The following STK4 variants were observed in gnomAD, a reference collection of about 807,000 sequenced individuals.
The protein encoded by STK4 is serine/threonine-protein kinase 4.
A neutral mutation model predicts 64.9 loss-of-function variants in STK4; 30 were observed. The observed-to-expected ratio is 0.46, with a 90% CI of 0.35 to 0.63. The LOEUF (loss-of-function observed/expected upper bound fraction) is 0.63. Among genes scored for constraint, STK4 ranks in the 20% least tolerant of loss-of-function variants. The pLI, the probability that STK4 is intolerant of heterozygous loss-of-function variation, is 0.01. For missense variants in STK4, 466 were observed against 598.5 expected (o/e 0.78, Z 2.31); for synonymous variants, 177 against 199.0 (o/e 0.89, Z 0.93).
intron 10 of STK4, among the ~76,000 whole-genome samples, chr20:45,032,415 C>T (rs8117013): frequency 0.012 from 1,830 of 152,140 alleles, 33 homozygotes; most frequent in African/African-American, 0.041. Flanking sequence ...CGATCCTCAC[C>T]CTCCTCCCAC....
intron 8 of STK4, 26 bp downstream of exon 8, chr20:45,000,546 C>T (rs1424415469): frequency 3.7e-6 from 6 of 1,613,090 alleles, no homozygotes; most frequent in Non-Finnish European, 5.1e-6. Flanking sequence ...TGCTGTGGGC[C>T]TCAGACATTG....
chr20:44,991,667 T>G (rs2067636254), intron 5 of STK4, among the ~76,000 whole-genome samples: 1 of 152,192 alleles, frequency 6.6e-6, no homozygotes, highest in Admixed American at 6.5e-5. Flanking sequence ...TGTACTTTTT[T>G]TTTTTGTTTT....
intron 9 of STK4, among the ~76,000 whole-genome samples, chr20:45,003,372 A>G (rs942272275): frequency 1.3e-5 from 2 of 152,162 alleles, no homozygotes; most frequent in African/African-American, 2.4e-5. Context: ...GTGTTAGATA[A>G]TTCACTTTCC....
chr20:45,056,589 T>A (rs1978501035), intron 10 of STK4, among the ~76,000 whole-genome samples: 1 of 152,230 alleles, frequency 6.6e-6, no homozygotes, highest in Non-Finnish European at 1.5e-5. Flanking sequence ...TATCTTGGCA[T>A]TTTTCAAATA....
rs60788017 is a variant in STK4, at chr20:45,012,948, ATTTTTTTTTTTTT to A, written c.1147+11614_1147+11626del. Among the ~76,000 whole-genome samples, 35 of 51,184 alleles carry A rather than the reference ATTTTTTTTTTTTT, an allele frequency of 6.8e-4. No homozygotes were observed. The South Asian group carries it at 0.013, about 19-fold the overall frequency. The allele number at this position is 51,184 out of a possible 152,430, so 33.6% of individuals were successfully genotyped here. A position where few individuals can be genotyped will look rare whatever the true frequency, so the allele number is the denominator to read the frequency against. The stretch of plus-strand genomic sequence containing the variant: ...ACAGGCATGTGCCACCACACCTGTG[ATTTTTTTTTTTTT>A]TTTTTTTTTTTTTTTTTTATAGAGA... On this transcript the variant is annotated intron_variant, in intron 9 of 10. Coordinates refer to ENST00000372806, the MANE Select transcript of STK4 (RefSeq NM_006282.5).
At chr20:44,974,724 C>T (rs1320647869) in intron 2 of STK4, 2 of 152,260 alleles carry the variant, frequency 1.3e-5, no homozygotes, top group African/African-American at 4.8e-5. Context: ...CTGCCTCAGC[C>T]TCCCAAATTG....
chr20:44,978,383 A>G, intron 2 of STK4, 60 bp from the exon 3 acceptor site: 1 of 1,558,518 alleles, frequency 6.4e-7, no homozygotes, highest in Non-Finnish European at 8.7e-7. Context: ...GTGTTTTACC[A>G]CTTCTTATAT....
At chr20:45,055,756 G>A (rs896260575) in intron 10 of STK4, among the ~76,000 whole-genome samples, 4 of 148,202 alleles carry the variant, frequency 2.7e-5, no homozygotes, top group Non-Finnish European at 5.9e-5. Flanking sequence ...TCCCCGAGAC[G>A]GAGTCTTGCA....
At chr20:45,035,183 A>AT (rs1172486743) in intron 10 of STK4, among the ~76,000 whole-genome samples, 1 of 152,184 alleles carries the variant, frequency 6.6e-6, no homozygotes, top group Non-Finnish European at 1.5e-5. Context: ...AGCTGCATAG[A>AT]TAAAAAAAGA....
chr20:45,006,590 G>C (rs2067950156), intron 9 of STK4, among the ~76,000 whole-genome samples: 1 of 152,086 alleles, frequency 6.6e-6, no homozygotes, highest in Non-Finnish European at 1.5e-5. Context: ...TGTTTGGTGA[G>C]AATTATCTTG....
intron 9 of STK4, among the ~76,000 whole-genome samples, chr20:45,011,741 T>A (rs1437288557): frequency 2.5e-4 from 18 of 71,186 alleles, no homozygotes; most frequent in Admixed American, 6.8e-4. Context: ...TTTTTTTTTT[T>A]TTTTTAAGTC....
chr20:45,003,437 T>C (rs2067876996), intron 9 of STK4, among the ~76,000 whole-genome samples: 1 of 152,244 alleles, frequency 6.6e-6, no homozygotes, highest in Non-Finnish European at 1.5e-5. Flanking sequence ...TAAACTTGTT[T>C]ATTTTCATTG....
chr20:45,062,555 G>A (rs557667954), intron 10 of STK4, among the ~76,000 whole-genome samples: 51 of 152,356 alleles, frequency 3.3e-4, no homozygotes, highest in African/African-American at 1.1e-3. Flanking sequence ...CAGTGTGTAA[G>A]CATTCTCTTT....
At chr20:45,004,703 G>T (rs1601246394) in intron 9 of STK4, among the ~76,000 whole-genome samples, 1 of 148,292 alleles carries the variant, frequency 6.7e-6, no homozygotes, top group African/African-American at 2.5e-5. Flanking sequence ...GTCAATTTTT[G>T]CTTTTGTTGC....
chr20:45,000,006 G>A (rs529473492), intron 7 of STK4, among the ~76,000 whole-genome samples: 10 of 152,298 alleles, frequency 6.6e-5, no homozygotes, highest in South Asian at 6.2e-4. Flanking sequence ...GTTCATGGTC[G>A]TACAGGACAG....
chr20:44,988,533 G>GTGTATATATATATATATATATATATA (rs1221720136), intron 5 of STK4, among the ~76,000 whole-genome samples: 3 of 101,586 alleles, frequency 3.0e-5, no homozygotes, highest in Admixed American at 1.2e-4. Context: ...ATGTGTGTGT[G>GTGTATATATATATATATATATATATA]TATATATATA....
chr20:45,015,788 C>G (rs908968207), intron 9 of STK4, among the ~76,000 whole-genome samples: 1 of 151,964 alleles, frequency 6.6e-6, no homozygotes, highest in Non-Finnish European at 1.5e-5. Context: ...CACCAAAGTT[C>G]CTATTTTGTA....
chr20:45,055,052 C>CAATTTCTCTGGCCCCTGGA (rs1978351161), intron 10 of STK4, among the ~76,000 whole-genome samples: 1 of 151,994 alleles, frequency 6.6e-6, no homozygotes, highest in African/African-American at 2.4e-5. Context: ...GGCATGTACA[C>CAATTTCTCTGGCCCCTGGA]AATTTCTCTG....
intron 2 of STK4, chr20:44,975,271 C>A: frequency 4.1e-6 from 3 of 731,976 alleles, no homozygotes; most frequent in Non-Finnish European, 5.0e-6. Flanking sequence ...AAGGGACTTG[C>A]TTGTGAGTAT....
Sources: allele counts gnomAD v4.1 joint callset (sites outside exome capture counted in the v4.1 genomes callset), GRCh38; gene constraint gnomAD v4.1.1; transcripts MANE v1.5; gene names NCBI Gene and HGNC (gene_info 2026-07-23, HGNC 2026-07-21).